Variants in STK3 observed in about 807,000 individuals in gnomAD.
STK3 encodes the protein serine/threonine-protein kinase 3.
A neutral mutation model predicts 58.0 loss-of-function variants in STK3; 41 were observed. That is an observed-to-expected ratio of 0.71 (90% CI 0.55 to 0.92). The LOEUF (loss-of-function observed/expected upper bound fraction) is 0.92, where lower values mean the gene tolerates loss of function less well. Ranked by LOEUF, STK3 falls within the 40% of genes least tolerant of loss-of-function variation. The pLI is 0.00. For missense variants in STK3, 479 were observed against 602.7 expected (o/e 0.79, Z 2.15); for synonymous variants, 170 against 191.0 (o/e 0.89, Z 0.91).
chr8:98,405,900 C>T (rs1586550040), intron 3 of STK3, among the ~76,000 whole-genome samples: 1 of 152,150 alleles, frequency 6.6e-6, no homozygotes, highest in Admixed American at 6.5e-5. Context: ...GAAAGACTTG[C>T]CCCCATGATT....
At chr8:98,728,685 T>C (rs1163519140) in intron 4 of STK3, among the ~76,000 whole-genome samples, 2 of 152,168 alleles carry the variant, frequency 1.3e-5, no homozygotes, top group African/African-American at 4.8e-5. Flanking sequence ...AAATCCAGTA[T>C]GAACCAGTAT....
At chr8:98,707,431 C>A in intron 4 of STK3, 120 bp from the exon 5 acceptor site, 1 of 747,978 alleles carries the variant, frequency 1.3e-6, no homozygotes, top group South Asian at 2.1e-5. Context: ...TTTAAGAGAC[C>A]CCACTCTGTT....
intron 6 of STK3, among the ~76,000 whole-genome samples, chr8:98,690,027 C>A (rs944300410): frequency 6.6e-6 from 1 of 152,080 alleles, no homozygotes; most frequent in African/African-American, 2.4e-5. Context: ...ACAAACTTGA[C>A]ATCAAAGGAA....
At chr8:98,718,977 G>A (rs1353853212) in intron 4 of STK3, among the ~76,000 whole-genome samples, 3 of 152,072 alleles carry the variant, frequency 2.0e-5, no homozygotes, top group Non-Finnish European at 4.4e-5. Context: ...TATGCCTGGC[G>A]TACAGATAGC....
intron 6 of STK3, among the ~76,000 whole-genome samples, chr8:98,687,626 T>C (rs1480973602): frequency 6.6e-6 from 1 of 152,170 alleles, no homozygotes; most frequent in Non-Finnish European, 1.5e-5. Flanking sequence ...GGGGCCAATT[T>C]TGAGCATTCT....
At chr8:98,674,490 T>A (rs372116162) in intron 6 of STK3, among the ~76,000 whole-genome samples, 1 of 152,182 alleles carries the variant, frequency 6.6e-6, no homozygotes, top group East Asian at 1.9e-4. Flanking sequence ...AGGGCTAGAT[T>A]TGTGGATATG....
chr8:98,713,101 A>C (rs1214915394), intron 4 of STK3, among the ~76,000 whole-genome samples: 1 of 152,220 alleles, frequency 6.6e-6, no homozygotes, highest in Non-Finnish European at 1.5e-5. Context: ...ACAAAGACAC[A>C]ACATACCAGA....
the STK3 span, among the ~76,000 whole-genome samples, chr8:98,348,929 T>A: frequency 1.3e-5 from 2 of 152,214 alleles, no homozygotes; most frequent in African/African-American, 4.8e-5. Flanking sequence ...AGTTGAAAAC[T>A]TATGTTCATG....
At chr8:98,832,865 G>C (rs1305689874) in intron 3 of STK3, among the ~76,000 whole-genome samples, 2 of 152,112 alleles carry the variant, frequency 1.3e-5, no homozygotes, top group Middle Eastern at 3.2e-3. Flanking sequence ...ACAATGCCCA[G>C]CACCAGAAGA....
intron 9 of STK3, among the ~76,000 whole-genome samples, chr8:98,528,061 T>C (rs1195887678): frequency 1.3e-5 from 2 of 152,208 alleles, no homozygotes; most frequent in African/African-American, 2.4e-5. Context: ...GGTCTTTTAA[T>C]TCTACTTCTC....
intron 4 of STK3, among the ~76,000 whole-genome samples, chr8:98,729,324 G>A (rs1828009945): frequency 6.6e-6 from 1 of 152,038 alleles, no homozygotes; most frequent in African/African-American, 2.4e-5. Flanking sequence ...CAGCCAGGTT[G>A]GTCTCAAACT....
chr8:98,562,064 G>A (rs1208803193), intron 8 of STK3, among the ~76,000 whole-genome samples: 2 of 152,166 alleles, frequency 1.3e-5, no homozygotes, highest in Non-Finnish European at 2.9e-5. Context: ...TCCTTGGTTA[G>A]TAGGAATATA....
At chr8:98,467,117 G>A (rs1365685783) in intron 10 of STK3, among the ~76,000 whole-genome samples, 1 of 152,166 alleles carries the variant, frequency 6.6e-6, no homozygotes, top group Non-Finnish European at 1.5e-5. Flanking sequence ...AGCTAGCTCA[G>A]TAAGCACCTT....
intron 10 of STK3, among the ~76,000 whole-genome samples, chr8:98,457,655 A>G (rs1421528910): frequency 1.3e-5 from 2 of 152,238 alleles, no homozygotes; most frequent in African/African-American, 4.8e-5. Context: ...TACACCAAGA[A>G]ACTATCCTAC....
rs1420024960 is a variant in STK3, at chr8:98,681,350, A to C, written c.684+25117T>G. ...ACCCCCAAAGCGATTCATCTTCAAG[A>C]TACAATAAGAGTTGACATAAAAGAA... On this transcript the variant is annotated intron_variant, in intron 6 of 10. Transcript: ENST00000419617. Among the ~76,000 whole-genome samples, 4 of 152,106 alleles carry C rather than the reference A, an allele frequency of 2.6e-5. No homozygotes were observed. The East Asian group carries it at 7.7e-4, about 29-fold the overall frequency.
intron 3 of STK3, among the ~76,000 whole-genome samples, chr8:98,425,430 G>C (rs1458756753): frequency 6.6e-6 from 1 of 152,150 alleles, no homozygotes; most frequent in Non-Finnish European, 1.5e-5. Context: ...CCTCTTTTAG[G>C]GACCTGAAGA....
intron 8 of STK3, among the ~76,000 whole-genome samples, chr8:98,549,101 T>C (rs561433656): frequency 6.6e-6 from 1 of 152,298 alleles, no homozygotes; most frequent in South Asian, 2.1e-4. Flanking sequence ...AATCCCTATT[T>C]TCAGTTTGGT....
chr8:98,510,497 T>A (rs1824430726), intron 10 of STK3, among the ~76,000 whole-genome samples: 2 of 152,048 alleles, frequency 1.3e-5, no homozygotes, highest in African/African-American at 4.8e-5. Flanking sequence ...TGACTAATTA[T>A]GATTTATTCA....
intron 1 of STK3, among the ~76,000 whole-genome samples, chr8:98,939,794 G>T (rs908203298): frequency 6.6e-6 from 1 of 152,218 alleles, no homozygotes; most frequent in African/African-American, 2.4e-5. Flanking sequence ...GTCATCCATC[G>T]TCTACCCACG....
Sources: gnomAD v4.1 joint callset for allele counts (sites outside exome capture counted in the v4.1 genomes callset) on GRCh38, gnomAD v4.1.1 for gene constraint, MANE v1.5 for transcripts, NCBI Gene and HGNC (gene_info 2026-07-23, HGNC 2026-07-21) for gene names.